Variants in PRDM5 observed in about 807,000 individuals in gnomAD.
The protein encoded by PRDM5 is PR/SET domain 5, also known as PR domain zinc finger protein 5.
A neutral mutation model predicts 81.2 loss-of-function variants in PRDM5; 56 were observed. That is an observed-to-expected ratio of 0.69 (90% CI 0.56 to 0.86). PRDM5 has a LOEUF of 0.86. Ranked by LOEUF, PRDM5 falls within the 40% of genes least tolerant of loss-of-function variation. The pLI is 0.00. For missense variants in PRDM5, 697 were observed against 770.1 expected, an observed-to-expected ratio of 0.91 and a Z score of 1.12; for synonymous variants, 267 against 256.4, an observed-to-expected ratio of 1.04 and a Z score of -0.39.
At chr4:120,782,958 A>G (rs1257224986) in intron 11 of PRDM5, among the ~76,000 whole-genome samples, 1 of 151,954 alleles carries the variant, frequency 6.6e-6, no homozygotes, top group Admixed American at 6.6e-5. Flanking sequence ...TTAATTGCAG[A>G]TTTCTTTGTG....
At chr4:120,839,249 C>T (rs748709462) in intron 3 of PRDM5, 3 of 703,000 alleles carry the variant, frequency 4.3e-6, no homozygotes, top group Non-Finnish European at 7.8e-6. Flanking sequence ...TTAGCCTCGC[C>T]ATTCGGCGGG....
intron 10 of PRDM5, among the ~76,000 whole-genome samples, chr4:120,788,404 A>C (rs1167223198): frequency 6.6e-6 from 1 of 152,174 alleles, no homozygotes; most frequent in African/African-American, 2.4e-5. Context: ...AACATTGAGG[A>C]GGGTTTTTAA....
At chr4:120,897,305 T>A (rs965426163) in intron 2 of PRDM5, among the ~76,000 whole-genome samples, 2 of 152,176 alleles carry the variant, frequency 1.3e-5, no homozygotes, top group South Asian at 4.1e-4. Flanking sequence ...ATTATTCAGT[T>A]GTCTACTATC....
At chr4:120,828,463 T>C (rs566672598) in intron 3 of PRDM5, among the ~76,000 whole-genome samples, 19 of 152,128 alleles carry the variant, frequency 1.2e-4, no homozygotes, top group Non-Finnish European at 1.2e-4. Context: ...AACCTGAGGC[T>C]AGGACTAGCA....
chr4:120,856,151 T>C (rs937180071), intron 2 of PRDM5, among the ~76,000 whole-genome samples: 23 of 152,326 alleles, frequency 1.5e-4, no homozygotes, highest in African/African-American at 5.5e-4. Context: ...TTTCAGTCCA[T>C]TAGACATATG....
intron 13 of PRDM5, among the ~76,000 whole-genome samples, chr4:120,768,428 C>T (rs1364045466): frequency 2.0e-5 from 3 of 152,118 alleles, no homozygotes; most frequent in East Asian, 3.9e-4. Context: ...TTTGAGAGAA[C>T]GTTCCTCTTT....
intron 3 of PRDM5, 127 bp downstream of exon 3, chr4:120,853,291 T>G: frequency 7.1e-7 from 1 of 1,410,822 alleles, no homozygotes; most frequent in South Asian, 1.2e-5. Context: ...GAGATTTCTC[T>G]GCTTTTATGA....
intron 14 of PRDM5, among the ~76,000 whole-genome samples, chr4:120,746,887 G>C (rs1230891293): frequency 1.3e-5 from 2 of 149,904 alleles, no homozygotes; most frequent in African/African-American, 5.0e-5. Context: ...GATTCCTCAG[G>C]GATCTAGAAC....
chr4:120,882,238 C>G (rs1004254660), intron 2 of PRDM5, among the ~76,000 whole-genome samples: 1 of 152,188 alleles, frequency 6.6e-6, no homozygotes, highest in Non-Finnish European at 1.5e-5. Flanking sequence ...ACCTCCGCCT[C>G]CCGGGTTCAA....
intron 2 of PRDM5, among the ~76,000 whole-genome samples, chr4:120,898,409 C>G (rs1211297928): frequency 6.6e-6 from 1 of 152,196 alleles, no homozygotes; most frequent in Non-Finnish European, 1.5e-5. Context: ...TGTTGCTTCA[C>G]ACGACAAGAT....
chr4:120,857,213 G>A (rs1759978655), intron 2 of PRDM5, among the ~76,000 whole-genome samples: 1 of 152,094 alleles, frequency 6.6e-6, no homozygotes. Context: ...ACGAAAATTA[G>A]CTGGTGTGGT....
At chr4:120,695,680 C>T (rs1276196334) in intron 15 of PRDM5, among the ~76,000 whole-genome samples, 1 of 152,046 alleles carries the variant, frequency 6.6e-6, no homozygotes, top group Non-Finnish European at 1.5e-5. Context: ...CACACTATTT[C>T]TTTTTTCTAT....
Position 120,710,355 on chromosome 4 carries a change from T to C in PRDM5, c.1682A>G (p.Asp561Gly), listed in dbSNP as rs765767835. Residue 561 changes from aspartate to glycine, a missense_variant, in exon 15 of 16, where the codon GAT becomes GGT. Around this residue, in one of 3 missense-constraint regions of PRDM5, gnomAD observed 86 missense variants for 135.2 expected, o/e 0.64. Transcript: ENST00000264808. ...SKAFSQKRGL[D>G]EHKRTHTGEK... ...TCCAGTGTGCGTCCTCTTGTGCTCA[T>C]CCAGGCCTCGCTTCTGGCTGAAGGC... 9.9e-6 allele frequency: 16 copies of C among 1,613,996 alleles called. No individual in the cohort carries two copies. Among genetic ancestry groups the C allele is most frequent in the African/African-American group, 4.0e-5 (3 of 74,914 alleles).
chr4:120,748,580 G>C (rs1303597869), intron 14 of PRDM5, among the ~76,000 whole-genome samples: 1 of 151,694 alleles, frequency 6.6e-6, no homozygotes, highest in Non-Finnish European at 1.5e-5. Flanking sequence ...GTTCAAGGTT[G>C]CAGTACACTA....
intron 2 of PRDM5, among the ~76,000 whole-genome samples, chr4:120,861,340 C>T (rs1319299440): frequency 1.3e-5 from 2 of 152,080 alleles, no homozygotes; most frequent in African/African-American, 4.8e-5. Flanking sequence ...TTCCCTACAG[C>T]ATATTAAAAG....
chr4:120,758,456 C>T (rs1302779113), intron 13 of PRDM5, among the ~76,000 whole-genome samples: 1 of 152,080 alleles, frequency 6.6e-6, no homozygotes, highest in African/African-American at 2.4e-5. Context: ...GTAGTGTGGG[C>T]CCCTAATCAA....
intron 2 of PRDM5, among the ~76,000 whole-genome samples, chr4:120,889,146 C>A (rs1046130353): frequency 6.6e-6 from 1 of 152,054 alleles, no homozygotes; most frequent in Non-Finnish European, 1.5e-5. Context: ...CCTGTCTTTA[C>A]GTTCATAAAA....
intron 1 of PRDM5, among the ~76,000 whole-genome samples, chr4:120,917,270 T>C (rs1724290112): frequency 6.6e-6 from 1 of 152,106 alleles, no homozygotes; most frequent in African/African-American, 2.4e-5. Context: ...GCTCTTCCCG[T>C]AGATATATGT....
At chr4:120,872,186 G>T (rs1380619761) in intron 2 of PRDM5, among the ~76,000 whole-genome samples, 1 of 118,796 alleles carries the variant, frequency 8.4e-6, no homozygotes, top group African/African-American at 3.1e-5. Context: ...CTGTACAGAG[G>T]TATGATCCAG....
Sources: allele counts gnomAD v4.1 joint callset (sites outside exome capture counted in the v4.1 genomes callset), GRCh38; gene constraint gnomAD v4.1.1; regional missense constraint gnomAD v4.1.1; transcripts MANE v1.5; gene names NCBI Gene and HGNC (gene_info 2026-07-23, HGNC 2026-07-21).